The following FRK variants were observed in gnomAD, a reference collection of about 807,000 sequenced individuals.
FRK encodes the protein fyn related Src family tyrosine kinase, also known as tyrosine-protein kinase FRK.
In FRK, 51 loss-of-function variants were observed where a neutral mutation model predicts 56.4. The ratio of observed to expected loss-of-function variants is 0.90; its 90% CI spans 0.72 to 1.14. The LOEUF (loss-of-function observed/expected upper bound fraction) is 1.14, where lower values mean the gene tolerates loss of function less well. Ranked by LOEUF, FRK falls within the 50% of genes most tolerant of loss-of-function variation. The probability of loss-of-function intolerance (pLI) is 0.00; values close to 1 mark genes in which losing one functional copy is unlikely to be tolerated. For synonymous variants in FRK, 245 were observed against 217.9 expected, an observed-to-expected ratio of 1.12 and a Z score of -1.10; for missense variants, 570 against 601.4, an observed-to-expected ratio of 0.95 and a Z score of 0.55.
the FRK span, among the ~76,000 whole-genome samples, chr6:116,096,945 C>T: frequency 6.6e-6 from 1 of 152,218 alleles, no homozygotes; most frequent in Non-Finnish European, 1.5e-5. Context: ...AAGGAACCAA[C>T]TACGGACACA....
chr6:116,000,216 ATT>A (rs1222713020), intron 2 of FRK, among the ~76,000 whole-genome samples: 1 of 67,476 alleles, frequency 1.5e-5, no homozygotes, highest in East Asian at 3.0e-4. Context: ...TGAAAATATC[ATT>A]CTTTCTTTTT....
At chr6:116,081,078 TTATA>T in the FRK span, among the ~76,000 whole-genome samples, 2 of 152,166 alleles carry the variant, frequency 1.3e-5, no homozygotes, top group African/African-American at 4.8e-5. Context: ...AACTGCCCTT[TTATA>T]AAACCATCAG....
the FRK span, among the ~76,000 whole-genome samples, chr6:116,090,590 G>T: frequency 1.3e-5 from 2 of 152,220 alleles, no homozygotes; most frequent in Non-Finnish European, 2.9e-5. Context: ...CAGCAGTGGT[G>T]GTTACAGACA....
At chr6:115,991,636 T>C (rs1774610038) in intron 2 of FRK, among the ~76,000 whole-genome samples, 1 of 151,878 alleles carries the variant, frequency 6.6e-6, no homozygotes, top group African/African-American at 2.4e-5. Context: ...TTGATCATGA[T>C]GAATTATCTT....
chr6:116,038,850 A>G, intron 1 of FRK: 2 of 535,246 alleles, frequency 3.7e-6, no homozygotes, highest in Non-Finnish European at 7.5e-6. Flanking sequence ...AAGGCGGCCA[A>G]GGTGCCGGCC....
At chr6:116,069,077 G>T in the FRK span, among the ~76,000 whole-genome samples, 1 of 152,132 alleles carries the variant, frequency 6.6e-6, no homozygotes, top group Non-Finnish European at 1.5e-5. Context: ...CAGGTGATTT[G>T]TTCTTGCCTA....
intron 2 of FRK, among the ~76,000 whole-genome samples, chr6:115,981,070 C>A (rs546204299): frequency 3.9e-5 from 6 of 151,984 alleles, no homozygotes; most frequent in Non-Finnish European, 8.8e-5. Context: ...TCAAATGACA[C>A]GGCACACTTA....
intron 1 of FRK, among the ~76,000 whole-genome samples, chr6:116,044,331 C>G (rs535062297): frequency 6.6e-6 from 1 of 152,288 alleles, no homozygotes; most frequent in South Asian, 2.1e-4. Flanking sequence ...ATGCGAAAAT[C>G]CTCAATAAAA....
At chr6:116,035,986 GCT>G (rs1776467335) in intron 1 of FRK, among the ~76,000 whole-genome samples, 1 of 151,442 alleles carries the variant, frequency 6.6e-6, no homozygotes, top group African/African-American at 2.4e-5. Context: ...TCTTCATCTG[GCT>G]CTCTTTCTCA....
At chr6:116,025,996 CAA>C (rs1205963203) in intron 1 of FRK, among the ~76,000 whole-genome samples, 1 of 152,088 alleles carries the variant, frequency 6.6e-6, no homozygotes, top group East Asian at 1.9e-4. Context: ...AGGGTTATTG[CAA>C]AGAGTAAAGT....
At chr6:116,087,326 T>C in the FRK span, among the ~76,000 whole-genome samples, 1 of 152,164 alleles carries the variant, frequency 6.6e-6, no homozygotes, top group African/African-American at 2.4e-5. Context: ...AAGAAAAAAA[T>C]AGAAGTTTAT....
At chr6:116,039,397 T>G (rs1582744532) in intron 1 of FRK, 1 of 1,568,908 alleles carries the variant, frequency 6.4e-7, no homozygotes, top group Non-Finnish European at 8.8e-7. Context: ...GGGGGCAACC[T>G]GCAAGGAGCT....
chr6:115,991,649 T>C (rs1774611196), intron 2 of FRK, among the ~76,000 whole-genome samples: 1 of 151,888 alleles, frequency 6.6e-6, no homozygotes, highest in Non-Finnish European at 1.5e-5. Flanking sequence ...ATTATCTTTT[T>C]GGTATACTGT....
intron 2 of FRK, among the ~76,000 whole-genome samples, chr6:115,997,135 T>A (rs1167226768): frequency 6.6e-6 from 1 of 152,216 alleles, no homozygotes; most frequent in Non-Finnish European, 1.5e-5. Flanking sequence ...CAAATAATTA[T>A]CACATAAAGT....
chr6:116,038,778 T>C (rs569168316), intron 1 of FRK: 25 of 491,684 alleles, frequency 5.1e-5, no homozygotes, highest in East Asian at 2.2e-4. Context: ...AGGAAGTTCG[T>C]TGGGGGGAAC....
Position 115,973,439 on chromosome 6 carries a change from A to T in FRK, c.467-4700T>A, listed in dbSNP as rs185356775. Among the ~76,000 whole-genome samples the T allele has an allele frequency of 4.7e-4, 72 of 152,290 alleles. 1 individual carries two copies. Among genetic ancestry groups the T allele is most frequent in the Admixed American group, 4.4e-3 (68 of 15,290 alleles). On this transcript the variant is annotated intron_variant, in intron 2 of 7. Coordinates refer to ENST00000606080, the MANE Select transcript of FRK (RefSeq NM_002031.3). The stretch of plus-strand genomic sequence containing the variant: ...GTGGGATTAAGGGTGGGATAGCATT[A>T]GGAGAAATACCGAATGTAGATGATG...
chr6:115,956,998 T>C (rs999804127), intron 4 of FRK, among the ~76,000 whole-genome samples: 21 of 152,202 alleles, frequency 1.4e-4, no homozygotes, highest in African/African-American at 5.1e-4. Context: ...CAGAGACTGA[T>C]ACCTGCCCTG....
rs1287587187 is a variant in FRK, at chr6:115,931,430, G to A, written c.*10984C>T. The A allele has an allele frequency of 6.6e-6, 1 of 151,972 alleles. No homozygotes were observed. Among genetic ancestry groups the A allele is most frequent in the Non-Finnish European group, 1.5e-5 (1 of 67,970 alleles). The allele number at this position is 151,972 out of a possible 1,614,324, so 9.4% of individuals were successfully genotyped here. A position where few individuals can be genotyped will look rare whatever the true frequency, so the allele number is the denominator to read the frequency against. ...TATAACAAGTGGTACAATTAAAAGAGGTCTTCTTTAATCCCTGTTGCTACA... is the reference window on the plus strand; with the variant it reads ...TATAACAAGTGGTACAATTAAAAGAAGTCTTCTTTAATCCCTGTTGCTACA... On this transcript the variant is annotated 3_prime_UTR_variant, in exon 8 of 8. Coordinates refer to ENST00000606080, the MANE Select transcript of FRK (RefSeq NM_002031.3).
rs773592256 is a variant in FRK at position 115,934,321 on chromosome 6, C to T, written c.*8093G>A. The T allele has an allele frequency of 2.0e-5, 3 of 152,194 alleles. No homozygotes were observed. The highest frequency in any genetic ancestry group is 2.9e-5 in the Non-Finnish European group (2 of 68,046). The allele number at this position is 152,194 out of a possible 1,614,324, so 9.4% of individuals were successfully genotyped here. A position where few individuals can be genotyped will look rare whatever the true frequency, so the allele number is the denominator to read the frequency against. On this transcript the variant is annotated 3_prime_UTR_variant, in exon 8 of 8. Transcript: ENST00000606080. ...TTATTTTAATCCAATCAGCACATAA[C>T]ATTCACATTAAGCCTATTTTTGGTC...
Sources: allele counts gnomAD v4.1 joint callset (sites outside exome capture counted in the v4.1 genomes callset), GRCh38; gene constraint gnomAD v4.1.1; transcripts MANE v1.5; gene names NCBI Gene and HGNC (gene_info 2026-07-23, HGNC 2026-07-21).